Variants in SSPN observed in about 807,000 individuals in gnomAD.
SSPN encodes the protein K-ras oncogene-associated protein.
A neutral mutation model predicts 19.1 loss-of-function variants in SSPN; 15 were observed. The ratio of observed to expected loss-of-function variants is 0.78; its 90% CI spans 0.52 to 1.21. SSPN has a LOEUF of 1.21. Ranked by LOEUF, SSPN falls within the 50% of genes most tolerant of loss-of-function variation. SSPN has a pLI of 0.00. For synonymous variants in SSPN, 147 were observed against 140.3 expected, an observed-to-expected ratio of 1.05 and a Z score of -0.34; for missense variants, 291 against 314.0, an observed-to-expected ratio of 0.93 and a Z score of 0.55.
intron 1 of SSPN, among the ~76,000 whole-genome samples, chr12:26,137,591 A>AAT (rs139773412): frequency 7.2e-6 from 1 of 139,662 alleles, no homozygotes; most frequent in African/African-American, 2.7e-5. Flanking sequence ...CACTACCTTG[A>AAT]ATATATATAT....
chr12:26,209,641 T>C (rs1185202980), intron 1 of SSPN, among the ~76,000 whole-genome samples: 1 of 140,572 alleles, frequency 7.1e-6, no homozygotes, highest in East Asian at 2.1e-4. Flanking sequence ...ATGTTGTTAC[T>C]GATGTTATTT....
intron 1 of SSPN, among the ~76,000 whole-genome samples, chr12:26,143,555 G>C (rs1031238658): frequency 6.6e-6 from 1 of 152,166 alleles, no homozygotes; most frequent in African/African-American, 2.4e-5. Context: ...GGCCTCTTAG[G>C]TGACATTAGG....
At position 26,188,539 on chromosome 12, in the gene SSPN, A is replaced by T. The variant is rs554014396; in HGVS notation, c.-30-35754A>T. On this transcript the variant is annotated intron_variant, in intron 1 of 2. Coordinates refer to the SSPN transcript ENST00000538142. ...TTAATGTTATTACTTAGAAAACCTA[A>T]TTATAATTCATCCCTGTGTCCTGGT... 5.3e-5 allele frequency among the ~76,000 whole-genome samples: 8 copies of T among 152,336 alleles called. No homozygotes were observed. The South Asian group carries it at 1.7e-3, about 32-fold the overall frequency.
intron 1 of SSPN, among the ~76,000 whole-genome samples, chr12:26,223,847 C>T (rs1240751315): frequency 6.6e-6 from 1 of 152,182 alleles, no homozygotes; most frequent in Non-Finnish European, 1.5e-5. Context: ...TTTCAAGGAC[C>T]ATTTCAAATC....
chr12:26,154,115 T>C (rs4963963), intron 1 of SSPN, among the ~76,000 whole-genome samples: 151,872 of 152,364 alleles, frequency 1, 75,692 homozygotes, highest in Middle Eastern at 1. Context: ...CTTGGGCATA[T>C]TTCTCTTGAA....
chr12:26,189,930 G>C (rs1944777402), intron 1 of SSPN, among the ~76,000 whole-genome samples: 1 of 152,178 alleles, frequency 6.6e-6, no homozygotes, highest in African/African-American at 2.4e-5. Context: ...TGCAGACCTA[G>C]AGCTAAGAAG....
intron 1 of SSPN, among the ~76,000 whole-genome samples, chr12:26,164,287 T>C (rs1010046084): frequency 4.8e-4 from 73 of 152,254 alleles, no homozygotes; most frequent in African/African-American, 1.6e-3. Flanking sequence ...GAACTTATTA[T>C]GTCATATTTA....
intron 1 of SSPN, among the ~76,000 whole-genome samples, chr12:26,220,173 C>G (rs1004573988): frequency 1.4e-5 from 2 of 143,956 alleles, no homozygotes; most frequent in Non-Finnish European, 3.0e-5. Context: ...GCCTACCCTT[C>G]TAAAACATGC....
At chr12:26,196,218 T>C (rs1048801601) in intron 1 of SSPN, among the ~76,000 whole-genome samples, 9 of 152,206 alleles carry the variant, frequency 5.9e-5, no homozygotes, top group Admixed American at 5.9e-4. Context: ...GGGGAGTTCA[T>C]TTCAAAAGCT....
At chr12:26,137,145 T>C (rs562181918) in intron 1 of SSPN, among the ~76,000 whole-genome samples, 1 of 152,302 alleles carries the variant, frequency 6.6e-6, no homozygotes, top group East Asian at 1.9e-4. Context: ...TTGATATAGA[T>C]AGTGTGATAA....
chr12:26,160,854 T>C (rs1944583605), intron 1 of SSPN, among the ~76,000 whole-genome samples: 1 of 152,098 alleles, frequency 6.6e-6, no homozygotes, highest in Non-Finnish European at 1.5e-5. Flanking sequence ...ACGCCTGCAA[T>C]CCCAGCACTT....
At chr12:26,161,129 A>G (rs1416615874) in intron 1 of SSPN, among the ~76,000 whole-genome samples, 1 of 138,856 alleles carries the variant, frequency 7.2e-6, no homozygotes, top group East Asian at 2.1e-4. Context: ...AAAAAAAAAA[A>G]TCAAAGTCAT....
chr12:26,124,759 A>G (rs1944348437), intron 1 of SSPN: 8 of 1,614,188 alleles, frequency 5.0e-6, no homozygotes, highest in African/African-American at 1.3e-5. Flanking sequence ...TCTCTTGCAA[A>G]TGAGGAATTC....
chr12:26,135,362 G>A (rs529710662), intron 1 of SSPN, among the ~76,000 whole-genome samples: 19 of 152,234 alleles, frequency 1.2e-4, no homozygotes, highest in African/African-American at 4.1e-4. Flanking sequence ...CTCAGACTCC[G>A]GAACAAAGTG....
At chr12:26,128,253 T>C (rs945027478) in intron 1 of SSPN, among the ~76,000 whole-genome samples, 1 of 152,102 alleles carries the variant, frequency 6.6e-6, no homozygotes, top group African/African-American at 2.4e-5. Context: ...TGAAATTGTG[T>C]GGGGAGTTTT....
At chr12:26,139,107 TA>T (rs1212248637) in intron 1 of SSPN, among the ~76,000 whole-genome samples, 8 of 152,186 alleles carry the variant, frequency 5.3e-5, no homozygotes, top group African/African-American at 1.9e-4. Flanking sequence ...TATACTATGT[TA>T]TAAATGATGT....
chr12:26,122,420 G>A (rs1279781601), intron 1 of SSPN: 18 of 1,341,100 alleles, frequency 1.3e-5, no homozygotes, highest in Non-Finnish European at 1.6e-5. Context: ...TGTCCAGGAA[G>A]GGCTGCACGT....
At chr12:26,205,112 G>A (rs1280416835) in intron 1 of SSPN, among the ~76,000 whole-genome samples, 1 of 152,190 alleles carries the variant, frequency 6.6e-6, no homozygotes, top group East Asian at 1.9e-4. Context: ...CTCAGATTCT[G>A]CTGAAGAAGT....
chr12:26,167,373 T>C (rs1185168701), intron 1 of SSPN, among the ~76,000 whole-genome samples: 2 of 152,198 alleles, frequency 1.3e-5, no homozygotes, highest in Non-Finnish European at 2.9e-5. Flanking sequence ...CAGCAGAGTG[T>C]ATAAAAGGAC....
Sources: allele counts gnomAD v4.1 joint callset (sites outside exome capture counted in the v4.1 genomes callset), GRCh38; gene constraint gnomAD v4.1.1; transcripts MANE v1.5; gene names NCBI Gene and HGNC (gene_info 2026-07-23, HGNC 2026-07-21).